PDS5B: variants seen among roughly 807,000 people sequenced by gnomAD.
PDS5B encodes sister chromatid cohesion protein PDS5 homolog B.
Under a neutral mutation model 184.1 loss-of-function variants are expected in PDS5B, and 51 were observed. The observed-to-expected ratio is 0.28, with a 90% confidence interval of 0.22 to 0.35. The LOEUF (loss-of-function observed/expected upper bound fraction) is 0.35. PDS5B is among the 10% of genes least tolerant of loss of function. The pLI is 1.00. For synonymous variants in PDS5B, 566 were observed against 569.2 expected (o/e 0.99, Z 0.08); for missense variants, 1,180 against 1,723.3 (o/e 0.68, Z 5.58).
In PDS5B at chr13:32,625,065, T is replaced by C. The variant is rs553096873; in HGVS notation, c.-19-23689T>C. Reference sequence around the variant, plus strand: ...TATACAGTATTAATATATATATTACTGGAAAAAGATGTTCAGTTTTTAAGC... The same window carrying C: ...TATACAGTATTAATATATATATTACCGGAAAAAGATGTTCAGTTTTTAAGC... On this transcript the variant is annotated intron_variant, in intron 1 of 34. Coordinates refer to ENST00000315596, the MANE Select transcript of PDS5B (RefSeq NM_015032.4). Among the ~76,000 whole-genome samples the C allele has an allele frequency of 1.6e-4, 24 of 152,314 alleles. No homozygotes were observed. In the South Asian group the frequency reaches 5.0e-3, roughly 32 times the overall value.
chr13:32,740,911 C>CT lies in PDS5B; in HGVS notation c.2407-156dup, dbSNP rs375037267. Among the ~76,000 whole-genome samples the CT allele has an allele frequency of 8.0e-3, 1,138 of 143,104 alleles. 3 individuals are homozygous for CT. The highest frequency in any genetic ancestry group is 0.011 in the East Asian group (53 of 4,954). The allele number at this position is 143,104 out of a possible 152,430, so 93.9% of individuals were successfully genotyped here. A position where few individuals can be genotyped will look rare whatever the true frequency, so the allele number is the denominator to read the frequency against. ...CGCTAGTGAAGGTATGCCTTTCAACCTTTTTTTTTTTTTAAAGTAAATAGG... is the reference window on the plus strand; with the variant it reads ...CGCTAGTGAAGGTATGCCTTTCAACCTTTTTTTTTTTTTTAAAGTAAATAGG... On this transcript the variant is annotated intron_variant, in intron 21 of 34. Coordinates refer to ENST00000315596, the MANE Select transcript of PDS5B (RefSeq NM_015032.4).
chr13:32,636,478 A>G (rs983062699), intron 1 of PDS5B, among the ~76,000 whole-genome samples: 4 of 152,194 alleles, frequency 2.6e-5, no homozygotes, highest in African/African-American at 9.7e-5. Context: ...TTATTAGAGG[A>G]TTCAGCAGTG....
intron 5 of PDS5B, 62 bp downstream of exon 5, chr13:32,658,593 T>G: frequency 1.3e-6 from 1 of 770,794 alleles, no homozygotes; most frequent in Non-Finnish European, 2.2e-6. Flanking sequence ...AACTTGTAGG[T>G]GAATCTGCAT....
chr13:32,649,665 A>G (rs946954600), intron 2 of PDS5B: 7 of 152,178 alleles, frequency 4.6e-5, no homozygotes, highest in African/African-American at 1.7e-4. Context: ...CTTTATTGCT[A>G]CATGGTGTAT....
At chr13:32,696,787 T>C in intron 14 of PDS5B, 67 bp from the exon 15 acceptor site, 1 of 1,073,208 alleles carries the variant, frequency 9.3e-7, no homozygotes, top group Non-Finnish European at 1.4e-6. Context: ...GTCTAATTTT[T>C]TGCAGAGTAT....
At chr13:32,658,668 A>T (rs543750663) in intron 5 of PDS5B, 137 bp downstream of exon 5, 13 of 548,170 alleles carry the variant, frequency 2.4e-5, no homozygotes, top group African/African-American at 3.9e-5. Flanking sequence ...ATTTTTATAC[A>T]TGTTTCAAAA....
At chr13:32,748,944 C>A (rs1408154235) in intron 24 of PDS5B, among the ~76,000 whole-genome samples, 1 of 152,078 alleles carries the variant, frequency 6.6e-6, no homozygotes, top group Non-Finnish European at 1.5e-5. Flanking sequence ...CTGTAATCAT[C>A]ATTAGCTCTC....
chr13:32,674,135 G>T (rs1329283750), intron 8 of PDS5B, among the ~76,000 whole-genome samples: 3 of 152,094 alleles, frequency 2.0e-5, no homozygotes, highest in African/African-American at 7.2e-5. Context: ...TTGGTAGCAT[G>T]TTCCTAACTG....
chr13:32,675,251 A>G (rs1459919999), intron 8 of PDS5B, among the ~76,000 whole-genome samples: 2 of 152,196 alleles, frequency 1.3e-5, no homozygotes, highest in Non-Finnish European at 2.9e-5. Flanking sequence ...GCCAAAATCA[A>G]TAGTAAAATT....
intron 1 of PDS5B, among the ~76,000 whole-genome samples, chr13:32,592,497 T>TGGG (rs1353120393): frequency 1.3e-5 from 2 of 152,162 alleles, no homozygotes; most frequent in South Asian, 2.1e-4. Context: ...CCTCAGGTGA[T>TGGG]CTGCCCGCCT....
intron 16 of PDS5B, among the ~76,000 whole-genome samples, chr13:32,700,508 C>T (rs1298582631): frequency 6.6e-6 from 1 of 151,984 alleles, no homozygotes; most frequent in East Asian, 1.9e-4. Flanking sequence ...GTCATCTGAC[C>T]ATTTTTTTCT....
chr13:32,646,792 A>T (rs993711845), intron 1 of PDS5B, among the ~76,000 whole-genome samples: 8 of 152,120 alleles, frequency 5.3e-5, no homozygotes, highest in Non-Finnish European at 8.8e-5. Flanking sequence ...TTTATATATA[A>T]ATACTTACAC....
chr13:32,740,931 A>G (rs1260053750), intron 21 of PDS5B, 149 bp from the exon 22 acceptor site: 3 of 571,288 alleles, frequency 5.3e-6, no homozygotes, highest in Non-Finnish European at 9.4e-6. Context: ...TTTTAAAGTA[A>G]ATAGGGTTAG....
intron 13 of PDS5B, among the ~76,000 whole-genome samples, chr13:32,693,035 ATGAT>A (rs1202505451): frequency 1.3e-5 from 2 of 152,010 alleles, no homozygotes; most frequent in African/African-American, 2.4e-5. Context: ...AGAAGTTAGA[ATGAT>A]TGAGCATATA....
chr13:32,710,423 G>T (rs932502007), intron 19 of PDS5B, among the ~76,000 whole-genome samples: 7 of 152,134 alleles, frequency 4.6e-5, no homozygotes, highest in African/African-American at 1.7e-4. Context: ...ATTTCATCAG[G>T]ACTATCCATA....
At chr13:32,597,132 C>G (rs1323260570) in intron 1 of PDS5B, among the ~76,000 whole-genome samples, 1 of 151,946 alleles carries the variant, frequency 6.6e-6, no homozygotes, top group African/African-American at 2.4e-5. Flanking sequence ...CTTTTGGGCT[C>G]AAGCCACCCT....
In PDS5B at chr13:32,758,139, C is replaced by A; in HGVS notation, c.3109C>A (p.His1037Asn). The change falls in exon 27 of 35, where the codon CAC becomes AAC. Residue 1037 changes from histidine to asparagine, a missense_variant. Transcript: ENST00000315596. ...AATGGCTAAAAATGAAAATAACAGT[C>A]ACGCTTTTATCAGAAAGATGGTAGA... ...ILMAKNENNS[H>N]AFIRKMVENI... 1 of 1,532,342 alleles carries A rather than the reference C, an allele frequency of 6.5e-7. No homozygotes were observed. The highest frequency in any genetic ancestry group is 8.9e-7 in the Non-Finnish European group (1 of 1,124,164). 94.9% of individuals were successfully genotyped at this position (1,532,342 alleles called of 1,614,324 possible).
chr13:32,622,541 C>A (rs145030115), intron 1 of PDS5B, among the ~76,000 whole-genome samples: 1 of 152,240 alleles, frequency 6.6e-6, no homozygotes, highest in East Asian at 1.9e-4. Flanking sequence ...ACCAACAAAA[C>A]GTACTTGTTA....
At chr13:32,604,658 C>T (rs1245546632) in intron 1 of PDS5B, among the ~76,000 whole-genome samples, 1 of 152,176 alleles carries the variant, frequency 6.6e-6, no homozygotes, top group Non-Finnish European at 1.5e-5. Context: ...GTACCAGCTC[C>T]TCTTTGTACC....
Sources: gnomAD v4.1 joint callset for allele counts (sites outside exome capture counted in the v4.1 genomes callset) on GRCh38, gnomAD v4.1.1 for gene constraint, MANE v1.5 for transcripts, NCBI Gene and HGNC (gene_info 2026-07-23, HGNC 2026-07-21) for gene names.